The following KCNQ3 variants were observed in gnomAD, a reference collection of about 807,000 sequenced individuals.
KCNQ3 encodes the protein potassium voltage-gated channel subfamily KQT member 3.
A neutral mutation model predicts 92.5 loss-of-function variants in KCNQ3; 30 were observed. The ratio of observed to expected loss-of-function variants is 0.32; its 90% CI spans 0.24 to 0.44. KCNQ3 has a LOEUF of 0.44. KCNQ3 is among the 20% of genes least tolerant of loss of function. The probability of loss-of-function intolerance (pLI) is 1.00; values close to 1 mark genes in which losing one functional copy is unlikely to be tolerated. For missense variants in KCNQ3, 913 were observed against 1,140.3 expected, an observed-to-expected ratio of 0.80 and a Z score of 2.87; for synonymous variants, 450 against 468.8, an observed-to-expected ratio of 0.96 and a Z score of 0.52.
intron 1 of KCNQ3, among the ~76,000 whole-genome samples, chr8:132,190,838 A>C (rs1827133958): frequency 6.6e-6 from 1 of 152,248 alleles, no homozygotes; most frequent in Non-Finnish European, 1.5e-5. Flanking sequence ...CACCAAATGC[A>C]TCTCACTTTT....
chr8:132,465,063 C>T (rs886130540), intron 1 of KCNQ3, among the ~76,000 whole-genome samples: 3 of 152,190 alleles, frequency 2.0e-5, no homozygotes, highest in Non-Finnish European at 2.9e-5. Flanking sequence ...GAAATCTCAA[C>T]GTTTCCTTTC....
intron 1 of KCNQ3, among the ~76,000 whole-genome samples, chr8:132,189,128 T>C (rs971968751): frequency 6.6e-6 from 1 of 152,170 alleles, no homozygotes; most frequent in Non-Finnish European, 1.5e-5. Context: ...CTTCCTCAAA[T>C]TCTCTGAGCC....
At chr8:132,172,429 C>CAG (rs1826401961) in intron 7 of KCNQ3, among the ~76,000 whole-genome samples, 169 bp downstream of exon 7, 1 of 151,800 alleles carries the variant, frequency 6.6e-6, no homozygotes, top group African/African-American at 2.4e-5. Context: ...CACACACACA[C>CAG]ACACACAGAC....
chr8:132,407,791 G>A (rs1379951361), intron 1 of KCNQ3, among the ~76,000 whole-genome samples: 2 of 152,180 alleles, frequency 1.3e-5, no homozygotes, highest in Non-Finnish European at 2.9e-5. Flanking sequence ...GTCTAGCTCG[G>A]CAGGTCTGCA....
chr8:132,178,156 G>T (rs1826631074), intron 4 of KCNQ3, among the ~76,000 whole-genome samples: 1 of 152,248 alleles, frequency 6.6e-6, no homozygotes, highest in Non-Finnish European at 1.5e-5. Context: ...TAGCACCAGT[G>T]TTGACCAGAA....
At chr8:132,383,375 G>A (rs936382192) in intron 1 of KCNQ3, among the ~76,000 whole-genome samples, 6 of 152,234 alleles carry the variant, frequency 3.9e-5, no homozygotes, top group Admixed American at 6.5e-5. Flanking sequence ...CCAGGGCAGC[G>A]AGGGAGGTAG....
intron 1 of KCNQ3, among the ~76,000 whole-genome samples, chr8:132,326,567 C>T (rs924457858): frequency 2.0e-5 from 3 of 152,142 alleles, no homozygotes; most frequent in African/African-American, 7.2e-5. Flanking sequence ...AAGGTACCAC[C>T]GTCATGAATG....
intron 8 of KCNQ3, among the ~76,000 whole-genome samples, chr8:132,168,281 C>T (rs1044251231): frequency 6.6e-6 from 1 of 152,160 alleles, no homozygotes; most frequent in Non-Finnish European, 1.5e-5. Flanking sequence ...ATCCATCCTC[C>T]ACACTCTTTG....
At chr8:132,473,813 C>T (rs539102620) in intron 1 of KCNQ3, among the ~76,000 whole-genome samples, 1 of 152,294 alleles carries the variant, frequency 6.6e-6, no homozygotes, top group South Asian at 2.1e-4. Context: ...ATTAAGTGGG[C>T]ATTCAGTGTC....
chr8:132,131,278 C>T (rs933229011), intron 14 of KCNQ3, among the ~76,000 whole-genome samples: 7 of 152,228 alleles, frequency 4.6e-5, no homozygotes, highest in Non-Finnish European at 1.0e-4. Flanking sequence ...AAAAGGATTA[C>T]TATGATCCTT....
intron 1 of KCNQ3, among the ~76,000 whole-genome samples, chr8:132,187,899 G>GATTGTGGTGGTGGTGGTGGTA (rs1158919341): frequency 3.5e-5 from 3 of 85,054 alleles, no homozygotes; most frequent in African/African-American, 1.4e-4. Context: ...TGGTGGTGGT[G>GATTGTGGTGGTGGTGGTGGTA]GTGATGGTGG....
chr8:132,228,292 C>T (rs1341057187), intron 1 of KCNQ3, among the ~76,000 whole-genome samples: 1 of 151,896 alleles, frequency 6.6e-6, no homozygotes, highest in Non-Finnish European at 1.5e-5. Flanking sequence ...TTGTATTAAG[C>T]AGTATGGACA....
At chr8:132,195,649 T>A (rs1827280218) in intron 1 of KCNQ3, among the ~76,000 whole-genome samples, 1 of 152,202 alleles carries the variant, frequency 6.6e-6, no homozygotes, top group African/African-American at 2.4e-5. Flanking sequence ...GGGCTCCTCA[T>A]ATCCATTACA....
intron 1 of KCNQ3, among the ~76,000 whole-genome samples, chr8:132,461,773 G>A (rs10956663): frequency 0.042 from 6,353 of 152,146 alleles, 201 homozygotes; most frequent in Non-Finnish European, 0.065. Flanking sequence ...ATTCCCTAAC[G>A]AAATTATATT....
At chr8:132,170,565 A>G (rs958783167) in intron 7 of KCNQ3, 137 bp from the exon 8 acceptor site, 17 of 664,098 alleles carry the variant, frequency 2.6e-5, no homozygotes, top group Non-Finnish European at 4.3e-5. Context: ...ATTCAGAAAA[A>G]CCGAGATTCT....
At chr8:132,345,600 G>A (rs1384161291) in intron 1 of KCNQ3, among the ~76,000 whole-genome samples, 1 of 152,240 alleles carries the variant, frequency 6.6e-6, no homozygotes, top group African/African-American at 2.4e-5. Context: ...GGCAACATCT[G>A]GTTTGAATAC....
chr8:132,172,280 A>G (rs1455744815), intron 7 of KCNQ3, among the ~76,000 whole-genome samples: 2 of 152,182 alleles, frequency 1.3e-5, no homozygotes, highest in African/African-American at 2.4e-5. Flanking sequence ...AGAGAGTGAC[A>G]GGATTGTCAC....
intron 1 of KCNQ3, among the ~76,000 whole-genome samples, chr8:132,362,699 G>A (rs1263703126): frequency 6.6e-6 from 1 of 152,134 alleles, no homozygotes; most frequent in East Asian, 1.9e-4. Context: ...GGATTAACCA[G>A]GCAAACAGGG....
At chr8:132,447,128 T>C in intron 1 of KCNQ3, 2 of 1,324,332 alleles carry the variant, frequency 1.5e-6, no homozygotes, top group South Asian at 1.3e-5. Flanking sequence ...TCTTTCCCTC[T>C]CCCCCTGGGA....
Sources: allele counts gnomAD v4.1 joint callset (sites outside exome capture counted in the v4.1 genomes callset), GRCh38; gene constraint gnomAD v4.1.1; transcripts MANE v1.5; gene names NCBI Gene and HGNC (gene_info 2026-07-23, HGNC 2026-07-21).